The following JADE2 variants were observed in gnomAD, a reference collection of about 807,000 sequenced individuals.
JADE2 encodes the protein jade family PHD finger 2.
JADE2 carries 13 observed loss-of-function variants against 85.7 expected under a neutral mutation model. That is an observed-to-expected ratio of 0.15 (90% CI 0.10 to 0.24). The LOEUF is 0.24. Among genes scored for constraint, JADE2 ranks in the 10% least tolerant of loss-of-function variants. The pLI is 1.00. For missense variants in JADE2, 846 were observed against 1,115.9 expected (o/e 0.76, Z 3.45); for synonymous variants, 440 against 456.1 (o/e 0.96, Z 0.45).
In JADE2 at chr5:134,555,616, G is replaced by A. The variant is rs115763382; in HGVS notation, c.311+3407G>A. On this transcript the variant is annotated intron_variant, in intron 4 of 11. Transcript: ENST00000681547. Reference sequence around the variant, plus strand: ...TCCCAAGAGGCTTGGCCAGGTGGCCGCTGACCAGGCAAGCAGATGTGGGTA... The same window carrying A: ...TCCCAAGAGGCTTGGCCAGGTGGCCACTGACCAGGCAAGCAGATGTGGGTA... Among the ~76,000 whole-genome samples the A allele has an allele frequency of 1.9e-3, 285 of 152,370 alleles. 2 individuals carry two copies. Among genetic ancestry groups the A allele is most frequent in the African/African-American group, 5.7e-3 (238 of 41,586 alleles).
chr5:134,575,145 T>G (rs144496455), intron 10 of JADE2: 1 of 152,408 alleles, frequency 6.6e-6, no homozygotes, highest in Non-Finnish European at 1.5e-5. Flanking sequence ...ACTCCTTGTC[T>G]TGAGTGTCAA....
At position 134,559,842 on chromosome 5, in the gene JADE2, A is replaced by G. The variant is rs749737763; in HGVS notation, c.324A>G (p.Pro108=). ...CTTGATTTTCTAGGATCCTCCCACC[A>G]CTGGAAGGCCCCCCTGCCCAGGCAT... ...IPEPVVRILP[P]LEGPPAQASP... The change falls in exon 5 of 12, where the codon CCA becomes CCG. Residue 108 remains proline (P), a synonymous_variant. Transcript: ENST00000681547. The G allele has an allele frequency of 1.9e-6, 3 of 1,609,822 alleles. No homozygotes were observed. Among genetic ancestry groups the G allele is most frequent in the East Asian group, 2.2e-5 (1 of 44,780 alleles).
Position 134,559,765 on chromosome 5 carries a change from CTGGAGCCCCTA to C in JADE2, c.312-61_312-51del, listed in dbSNP as rs1188167389. On this transcript the variant is annotated intron_variant, in intron 4 of 11. Coordinates refer to ENST00000681547, the MANE Select transcript of JADE2 (RefSeq NM_001388185.1). ...CTCCTGAGCTGGACTGGTCAGCTCC[CTGGAGCCCCTA>C]TGGCGGCAGGCTGAGGGCCCCTCCC... The C allele has an allele frequency of 2.0e-6, 3 of 1,536,784 alleles. No homozygotes were observed. The African/African-American group carries it at 4.1e-5, about 21-fold the overall frequency.
chr5:134,528,786 C>T (rs1358030837), intron 1 of JADE2, among the ~76,000 whole-genome samples: 1 of 152,210 alleles, frequency 6.6e-6, no homozygotes, highest in Non-Finnish European at 1.5e-5. Flanking sequence ...CAAGGGTCCC[C>T]CCATCACTTT....
chr5:134,541,216 G>A (rs1761943532), intron 3 of JADE2, among the ~76,000 whole-genome samples: 1 of 152,236 alleles, frequency 6.6e-6, no homozygotes, highest in African/African-American at 2.4e-5. Context: ...TCCTCCCACA[G>A]TAGGCTGGAG....
At chr5:134,573,901 TCAC>T (rs1764201485) in intron 10 of JADE2, 139 bp downstream of exon 10, 1 of 746,138 alleles carries the variant, frequency 1.3e-6, no homozygotes, top group Non-Finnish European at 2.5e-6. Context: ...CTCCTACCCT[TCAC>T]CATCCAATTA....
chr5:134,553,056 C>T (rs1185065386), intron 4 of JADE2, among the ~76,000 whole-genome samples: 3 of 130,254 alleles, frequency 2.3e-5, no homozygotes, highest in Admixed American at 1.8e-4. Flanking sequence ...TGCAGTGGTG[C>T]AATCTCAGCT....
At chr5:134,560,697 A>G in intron 5 of JADE2, 49 bp from the exon 6 acceptor site, 13 of 1,537,014 alleles carry the variant, frequency 8.5e-6, no homozygotes, top group Non-Finnish European at 1.2e-5. Context: ...TCAAAGCTCA[A>G]AGGAGGCTGG....
At chr5:134,533,699 G>T in intron 1 of JADE2, 1 of 249,960 alleles carries the variant, frequency 4.0e-6, no homozygotes, top group Non-Finnish European at 6.2e-6. Flanking sequence ...AGAATCAGGA[G>T]TCAGGATTCT....
In JADE2 at chr5:134,537,948, T is replaced by G. The variant is rs770788114; in HGVS notation, c.59-41T>G. On this transcript the variant is annotated intron_variant, in intron 2 of 11. Coordinates refer to ENST00000681547, the MANE Select transcript of JADE2 (RefSeq NM_001388185.1). ...CTTGGGCATGAGTGGGTGGTGCTCC[T>G]GGCCCTCCAGGACCCCTAATGGACT... 7 of 1,480,948 alleles carry G rather than the reference T, an allele frequency of 4.7e-6. No individual in the cohort carries two copies. The South Asian group carries it at 7.9e-5, about 17-fold the overall frequency. The allele number at this position is 1,480,948 out of a possible 1,614,324, so 91.7% of individuals were successfully genotyped here. A position where few individuals can be genotyped will look rare whatever the true frequency, so the allele number is the denominator to read the frequency against.
At chr5:134,527,637 T>G (rs1241799081) in intron 1 of JADE2, among the ~76,000 whole-genome samples, 2 of 148,896 alleles carry the variant, frequency 1.3e-5, no homozygotes, top group Admixed American at 6.7e-5. Context: ...CCCCGCAGCC[T>G]CCTCCGGCTC....
chr5:134,543,734 C>T (rs1762121994), intron 3 of JADE2, among the ~76,000 whole-genome samples: 1 of 152,144 alleles, frequency 6.6e-6, no homozygotes, highest in Admixed American at 6.5e-5. Flanking sequence ...TTTCCCTTCC[C>T]TTTGCCTAAA....
At chr5:134,526,657 A>T in intron 1 of JADE2, 1 of 985,176 alleles carries the variant, frequency 1.0e-6, no homozygotes, top group Non-Finnish European at 1.2e-6. Flanking sequence ...GGCCCGGTGC[A>T]CGCGGGCGCT....
intron 3 of JADE2, among the ~76,000 whole-genome samples, chr5:134,549,571 C>T (rs959322246): frequency 1.3e-5 from 2 of 151,984 alleles, no homozygotes; most frequent in Non-Finnish European, 1.5e-5. Context: ...GCAGAAGAAT[C>T]GTTTGAACCC....
intron 10 of JADE2, among the ~76,000 whole-genome samples, chr5:134,576,556 G>A (rs1474436841): frequency 1.3e-5 from 2 of 151,884 alleles, no homozygotes; most frequent in African/African-American, 2.4e-5. Flanking sequence ...GCCTCTCCTC[G>A]TGGCCCTGTG....
intron 9 of JADE2, among the ~76,000 whole-genome samples, chr5:134,572,052 C>G (rs1764059410): frequency 6.6e-6 from 1 of 152,264 alleles, no homozygotes; most frequent in Admixed American, 6.5e-5. Flanking sequence ...GTCCAGGGCC[C>G]CACACAGTGC....
chr5:134,529,874 C>T (rs1761117369), intron 1 of JADE2, among the ~76,000 whole-genome samples: 1 of 152,242 alleles, frequency 6.6e-6, no homozygotes, highest in South Asian at 2.1e-4. Flanking sequence ...CTCCCACCAT[C>T]CCCTTGGTAC....
intron 9 of JADE2, 35 bp from the exon 10 acceptor site, chr5:134,573,610 G>A: frequency 6.6e-7 from 1 of 1,522,478 alleles, no homozygotes; most frequent in Non-Finnish European, 9.1e-7. Flanking sequence ...GTGGTTGCCT[G>A]TGAGTAAGGT....
rs371642140 is a variant in JADE2 at position 134,578,966 on chromosome 5, G to A, written c.2154G>A (p.Pro718=). ...TCCTAGCCACCCCTGAAAGCCCCCCGCCACTGGCCCCTGAGACCCCGGACG... is the reference window on the plus strand; with the variant it reads ...TCCTAGCCACCCCTGAAAGCCCCCCACCACTGGCCCCTGAGACCCCGGACG... ...CPILATPESP[P]PLAPETPDEA... is the part of the protein sequence containing the mutation. Residue 718 remains proline (P), a synonymous_variant, in exon 12 of 12, where the codon CCG becomes CCA. Transcript: ENST00000681547. The surrounding 1 kb of genome is among the most constrained non-coding windows in gnomAD (Gnocchi z 4.4). The A allele has an allele frequency of 5.6e-6, 9 of 1,612,988 alleles. No homozygotes were observed. The highest frequency in any genetic ancestry group is 1.6e-4 in the Middle Eastern group (1 of 6,076).
Sources: gnomAD v4.1 joint callset for allele counts (sites outside exome capture counted in the v4.1 genomes callset) on GRCh38, gnomAD v4.1.1 for gene constraint, Gnocchi (gnomAD v3.1) non-coding constraint, MANE v1.5 for transcripts, NCBI Gene and HGNC (gene_info 2026-07-23, HGNC 2026-07-21) for gene names.